The following VWA8 variants were observed in gnomAD, a reference collection of about 807,000 sequenced individuals.
VWA8 encodes the protein von Willebrand factor A domain-containing protein 8.
A neutral mutation model predicts 241.5 loss-of-function variants in VWA8; 221 were observed. That is an observed-to-expected ratio of 0.91 (90% confidence interval 0.82 to 1.02). The LOEUF is 1.02. Ranked by LOEUF, VWA8 falls within the 50% of genes least tolerant of loss-of-function variation. VWA8 has a pLI of 0.00. For synonymous variants in VWA8, 852 were observed against 827.1 expected, an observed-to-expected ratio of 1.03 and a Z score of -0.52; for missense variants, 2,322 against 2,328.7, an observed-to-expected ratio of 1.00 and a Z score of 0.06.
intron 12 of VWA8, among the ~76,000 whole-genome samples, chr13:41,837,710 A>G (rs919388640): frequency 6.6e-6 from 1 of 152,194 alleles, no homozygotes; most frequent in Non-Finnish European, 1.5e-5. Flanking sequence ...GCTATTAGTA[A>G]GCAGAAATGC....
intron 15 of VWA8, among the ~76,000 whole-genome samples, chr13:41,817,966 ATT>A (rs947591878): frequency 6.8e-6 from 1 of 146,084 alleles, no homozygotes. Flanking sequence ...GAGAAGCGGA[ATT>A]TTTTTTTTTT....
At chr13:41,948,793 A>C (rs1217508501) in intron 2 of VWA8, among the ~76,000 whole-genome samples, 6 of 152,184 alleles carry the variant, frequency 3.9e-5, no homozygotes, top group Admixed American at 1.3e-4. Context: ...TGTTCACAGC[A>C]GGCTTCAAAT....
chr13:41,669,548 A>C (rs147441627), intron 37 of VWA8, among the ~76,000 whole-genome samples: 1 of 152,322 alleles, frequency 6.6e-6, no homozygotes, highest in East Asian at 1.9e-4. Flanking sequence ...AACAAATACA[A>C]ATTCATTTTT....
chr13:41,944,108 A>AAATAATAATAATAAT (rs3074010), intron 2 of VWA8, among the ~76,000 whole-genome samples: 42 of 146,548 alleles, frequency 2.9e-4, no homozygotes, highest in African/African-American at 1.0e-3. Context: ...CTGTCTCAAA[A>AAATAATAATAATAAT]AATAATAATA....
intron 14 of VWA8, among the ~76,000 whole-genome samples, chr13:41,826,462 G>A (rs139917980): frequency 6.6e-6 from 1 of 152,306 alleles, no homozygotes; most frequent in Non-Finnish European, 1.5e-5. Flanking sequence ...AAAAAGACCA[G>A]AGGAAACTGA....
At chr13:41,663,295 T>C (rs187094961) in intron 37 of VWA8, among the ~76,000 whole-genome samples, 2 of 152,312 alleles carry the variant, frequency 1.3e-5, no homozygotes, top group East Asian at 1.9e-4. Flanking sequence ...TTCTGAGGAA[T>C]TGTTTCATGC....
In VWA8 at chr13:41,587,625, C is replaced by T. The variant is rs768800294; in HGVS notation, c.5158G>A (p.Asp1720Asn). 1 of 1,614,250 alleles carries T rather than the reference C, an allele frequency of 6.2e-7. No homozygotes were observed. Among genetic ancestry groups the T allele is most frequent in the South Asian group, 1.1e-5 (1 of 91,086 alleles). Reference protein sequence around the residue: ...QKPKRLRLVVDVSGSMYRFNR... With the variant: ...QKPKRLRLVVNVSGSMYRFNR... ...AAACGGTACATGCTACCAGACACAT[C>T]TACCACCAGGCGCAGACGCTTGGGT... Residue 1720 changes from aspartate to asparagine, a missense_variant, in exon 42 of 45, where the codon GAT (aspartate) becomes AAT (asparagine). Asp to Asn is a conservative substitution (Grantham distance 23). Coordinates refer to ENST00000379310, the MANE Select transcript of VWA8 (RefSeq NM_015058.2).
chr13:41,927,518 C>G (rs7318638), intron 2 of VWA8, among the ~76,000 whole-genome samples: 1 of 150,784 alleles, frequency 6.6e-6, no homozygotes, highest in African/African-American at 2.4e-5. Context: ...TCCTTGTTAC[C>G]AAATAAACCA....
At chr13:41,912,320 TA>T in intron 2 of VWA8, 152 bp from the exon 3 acceptor site, 1 of 546,718 alleles carries the variant, frequency 1.8e-6, no homozygotes, top group South Asian at 8.1e-5. Flanking sequence ...TAAATATATA[TA>T]AACATATGCA....
intron 35 of VWA8, among the ~76,000 whole-genome samples, chr13:41,680,716 G>A (rs1214389038): frequency 6.6e-6 from 1 of 152,142 alleles, no homozygotes; most frequent in East Asian, 1.9e-4. Flanking sequence ...TTATGCTACT[G>A]GAACACCTTT....
At chr13:41,683,066 C>T (rs2045111528) in intron 35 of VWA8, among the ~76,000 whole-genome samples, 1 of 151,920 alleles carries the variant, frequency 6.6e-6, no homozygotes, top group Admixed American at 6.6e-5. Flanking sequence ...TCATATGATG[C>T]AAAAATGCCA....
chr13:41,571,945 C>G (rs1021290862), intron 43 of VWA8, among the ~76,000 whole-genome samples: 1 of 151,950 alleles, frequency 6.6e-6, no homozygotes, highest in Non-Finnish European at 1.5e-5. Flanking sequence ...ATGTGAGGAG[C>G]CCCTCTGACC....
chr13:41,611,812 G>A (rs569383634), intron 38 of VWA8, 80 bp from the exon 39 acceptor site: 59 of 1,500,696 alleles, frequency 3.9e-5, no homozygotes, highest in Non-Finnish European at 5.2e-5. Flanking sequence ...TTTTAGGACA[G>A]CCTTGTGGAG....
intron 2 of VWA8, among the ~76,000 whole-genome samples, chr13:41,920,354 T>C (rs1278863515): frequency 1.3e-5 from 2 of 152,084 alleles, no homozygotes; most frequent in Non-Finnish European, 2.9e-5. Context: ...TCCTGCCCCC[T>C]GGGTGTAAGC....
Position 41,865,625 on chromosome 13 carries a change from T to C in VWA8, c.1425+111A>G, listed in dbSNP as rs925308555. 9.2e-6 allele frequency: 11 copies of C among 1,196,498 alleles called. No homozygotes were observed. In the African/African-American group the frequency reaches 1.6e-4, roughly 17 times the overall value. The allele number at this position is 1,196,498 out of a possible 1,614,324, so 74.1% of individuals were successfully genotyped here. On this transcript the variant is annotated intron_variant, in intron 12 of 44. Transcript: ENST00000379310. ...AATAATTTTATTACTATTTTGGTTC[T>C]TTACCTATATAAAAAAACACAGGTC...
intron 1 of VWA8, among the ~76,000 whole-genome samples, chr13:41,959,854 C>T (rs527779925): frequency 6.6e-6 from 1 of 151,966 alleles, no homozygotes; most frequent in East Asian, 1.9e-4. Flanking sequence ...GTGATCCGCC[C>T]GCCTCAGCCT....
At chr13:41,630,706 A>T (rs1282329974) in intron 37 of VWA8, among the ~76,000 whole-genome samples, 4 of 152,034 alleles carry the variant, frequency 2.6e-5, no homozygotes, top group Non-Finnish European at 5.9e-5. Context: ...AATGAGCAAA[A>T]CTTTATATAT....
chr13:41,908,580 T>C (rs1336090935), intron 3 of VWA8, among the ~76,000 whole-genome samples: 1 of 140,654 alleles, frequency 7.1e-6, no homozygotes, highest in East Asian at 2.1e-4. Flanking sequence ...AGGAAGGAGG[T>C]GATGAAAAAG....
At chr13:41,820,773 T>C (rs537133555) in intron 14 of VWA8, among the ~76,000 whole-genome samples, 5 of 152,280 alleles carry the variant, frequency 3.3e-5, no homozygotes, top group African/African-American at 1.2e-4. Flanking sequence ...TGACAGAAAC[T>C]GGACACAGAA....
Sources: gnomAD v4.1 joint callset for allele counts (sites outside exome capture counted in the v4.1 genomes callset) on GRCh38, gnomAD v4.1.1 for gene constraint, MANE v1.5 for transcripts, NCBI Gene and HGNC (gene_info 2026-07-23, HGNC 2026-07-21) for gene names.